The following TMEM38B variants were observed in gnomAD, a reference collection of about 807,000 sequenced individuals.
TMEM38B encodes the protein transmembrane protein 38B.
Under a neutral mutation model 28.7 loss-of-function variants are expected in TMEM38B, and 24 were observed. That is an observed-to-expected ratio of 0.84 (90% CI 0.61 to 1.18). The LOEUF is 1.18. Among genes scored for constraint, TMEM38B ranks in the 50% most tolerant of loss-of-function variants. The pLI is 0.00. For missense variants in TMEM38B, 380 were observed against 350.9 expected (o/e 1.08, Z -0.66); for synonymous variants, 131 against 127.7 (o/e 1.03, Z -0.17).
intron 4 of TMEM38B, among the ~76,000 whole-genome samples, chr9:105,743,578 TTTTA>T (rs1352347099): frequency 1.3e-5 from 2 of 152,200 alleles, no homozygotes; most frequent in African/African-American, 2.4e-5. Context: ...TAGCATCTTA[TTTTA>T]GACTTTACAA....
At chr9:105,721,400 T>C (rs1262037014) in intron 2 of TMEM38B, 137 bp from the exon 3 acceptor site, 26 of 687,312 alleles carry the variant, frequency 3.8e-5, no homozygotes, top group African/African-American at 5.5e-5. Flanking sequence ...TGTGCTTTTA[T>C]TGAAATCAAG....
At chr9:105,744,460 A>G (rs928504369) in intron 4 of TMEM38B, among the ~76,000 whole-genome samples, 29 of 152,224 alleles carry the variant, frequency 1.9e-4, no homozygotes, top group Non-Finnish European at 3.4e-4. Context: ...CTACGTATCC[A>G]AGTATGAAGG....
intron 5 of TMEM38B, among the ~76,000 whole-genome samples, chr9:105,752,052 C>T (rs1306875517): frequency 6.6e-6 from 1 of 152,206 alleles, no homozygotes; most frequent in Non-Finnish European, 1.5e-5. Context: ...CACAATGCAG[C>T]ACAGCTGCTT....
At chr9:105,727,435 G>A (rs1262168508) in intron 4 of TMEM38B, among the ~76,000 whole-genome samples, 1 of 152,158 alleles carries the variant, frequency 6.6e-6, no homozygotes, top group Non-Finnish European at 1.5e-5. Context: ...CATATACAAG[G>A]TGACTATCTC....
intron 5 of TMEM38B, chr9:105,759,834 G>A (rs1837970072): frequency 6.2e-7 from 1 of 1,600,698 alleles, no homozygotes; most frequent in African/African-American, 1.3e-5. Context: ...AGTCAAAACA[G>A]CTTTGTAGGT....
chr9:105,716,692 A>G (rs1333900626), intron 2 of TMEM38B, among the ~76,000 whole-genome samples: 2 of 117,358 alleles, frequency 1.7e-5, no homozygotes, highest in Non-Finnish European at 3.3e-5. Context: ...TAGCAAGACC[A>G]ATCCCTCCTC....
chr9:105,756,028 C>T (rs1359583517), intron 5 of TMEM38B, among the ~76,000 whole-genome samples: 1 of 152,026 alleles, frequency 6.6e-6, no homozygotes, highest in Non-Finnish European at 1.5e-5. Context: ...GTCAGGAGTT[C>T]AAGACCAGTC....
chr9:105,696,284 C>CATT lies in TMEM38B; in HGVS notation c.112+1528_112+1530dup, dbSNP rs561902048. ...TTATTTTTCATAAAGAATACATTAT[C>CATT]ATTATTATTATTATTATTTTTGAGA... is the stretch of plus-strand genomic sequence containing the variant. On this transcript the variant is annotated intron_variant, in intron 1 of 5. Transcript: ENST00000374692. 6.5e-3 allele frequency among the ~76,000 whole-genome samples: 983 copies of CATT among 151,978 alleles called. 3 individuals are homozygous for CATT. Among genetic ancestry groups the CATT allele is most frequent in the Middle Eastern group, 0.037 (11 of 294 alleles).
chr9:105,722,740 A>G (rs536892683), intron 4 of TMEM38B, 119 bp downstream of exon 4: 4 of 712,484 alleles, frequency 5.6e-6, no homozygotes, highest in Non-Finnish European at 6.8e-6. Context: ...AAATATAAAT[A>G]GTAATGATAA....
chr9:105,709,016 GTTAT>G (rs1324565440), intron 2 of TMEM38B, among the ~76,000 whole-genome samples: 3 of 149,432 alleles, frequency 2.0e-5, no homozygotes, highest in Non-Finnish European at 1.5e-5. Context: ...TACTGTCAAA[GTTAT>G]TTATTCACTA....
At chr9:105,773,732 A>AGAAT (rs1444006659) in intron 5 of TMEM38B, 133 bp from the exon 6 acceptor site, 1 of 755,038 alleles carries the variant, frequency 1.3e-6, no homozygotes, top group East Asian at 2.7e-5. Flanking sequence ...AGATTTTACC[A>AGAAT]GAATCTAGCT....
At chr9:105,753,668 A>G (rs188218560) in intron 5 of TMEM38B, among the ~76,000 whole-genome samples, 41 of 152,336 alleles carry the variant, frequency 2.7e-4, no homozygotes, top group Admixed American at 2.7e-3. Context: ...TGAAGGAAGC[A>G]CTAAATATGG....
At chr9:105,706,582 C>T (rs1835677190) in intron 2 of TMEM38B, among the ~76,000 whole-genome samples, 1 of 152,148 alleles carries the variant, frequency 6.6e-6, no homozygotes, top group African/African-American at 2.4e-5. Flanking sequence ...GGCCTTTTAG[C>T]TGTGTCAAAA....
At chr9:105,762,170 A>G (rs887974177) in intron 5 of TMEM38B, among the ~76,000 whole-genome samples, 16 of 152,096 alleles carry the variant, frequency 1.1e-4, no homozygotes, top group African/African-American at 2.7e-4. Flanking sequence ...ATAGTGTTCC[A>G]TTTAACATTA....
chr9:105,772,139 C>T (rs1174374505), intron 5 of TMEM38B, among the ~76,000 whole-genome samples: 1 of 152,190 alleles, frequency 6.6e-6, no homozygotes, highest in East Asian at 1.9e-4. Flanking sequence ...CTTATCTTCC[C>T]AGTACCAGGC....
chr9:105,713,541 T>G (rs1431018293), intron 2 of TMEM38B, among the ~76,000 whole-genome samples: 3 of 151,624 alleles, frequency 2.0e-5, no homozygotes, highest in Admixed American at 6.6e-5. Flanking sequence ...TGCTGAAGAG[T>G]GCGGGAGGGG....
intron 1 of TMEM38B, chr9:105,701,462 AT>A (rs1384763762): frequency 6.6e-6 from 1 of 152,206 alleles, no homozygotes; most frequent in South Asian, 2.1e-4. Flanking sequence ...TGCTTCTGAG[AT>A]TTTTTGCAAA....
chr9:105,758,135 C>T (rs1430233530), intron 5 of TMEM38B: 2 of 530,900 alleles, frequency 3.8e-6, no homozygotes, highest in African/African-American at 1.9e-5. Context: ...CCTTCGCTGC[C>T]ATGGACGCCA....
chr9:105,770,113 G>A (rs944183809), intron 5 of TMEM38B, among the ~76,000 whole-genome samples: 11 of 152,046 alleles, frequency 7.2e-5, no homozygotes, highest in African/African-American at 2.7e-4. Flanking sequence ...ATTCATTGAT[G>A]TATTGAATAA....
Sources: allele counts gnomAD v4.1 joint callset (sites outside exome capture counted in the v4.1 genomes callset), GRCh38; gene constraint gnomAD v4.1.1; transcripts MANE v1.5; gene names NCBI Gene and HGNC (gene_info 2026-07-23, HGNC 2026-07-21).